Variants in RPH3AL observed in about 807,000 individuals in gnomAD.
The protein encoded by RPH3AL is rab effector Noc2.
A neutral mutation model predicts 43.1 loss-of-function variants in RPH3AL; 38 were observed. That is an observed-to-expected ratio of 0.88 (90% CI 0.68 to 1.15). The LOEUF (loss-of-function observed/expected upper bound fraction) is 1.15. Among genes scored for constraint, RPH3AL ranks in the 50% most tolerant of loss-of-function variants. The pLI is 0.00. For synonymous variants in RPH3AL, 189 were observed against 176.3 expected (o/e 1.07, Z -0.57); for missense variants, 462 against 423.2 (o/e 1.09, Z -0.81).
Position 264,077 on chromosome 17 carries a change from C to G in RPH3AL, c.439-16792G>C, listed in dbSNP as rs558901790. Among the ~76,000 whole-genome samples the G allele has an allele frequency of 6.6e-6, 1 of 152,198 alleles. No individual in the cohort carries two copies. Among genetic ancestry groups the G allele is most frequent in the East Asian group, 1.9e-4 (1 of 5,200 alleles). ...GATTTCAAAGCCACGATTTTGGCCG[C>G]GTGCGACAAGCCGGACTCTCCAAGA... On this transcript the variant is annotated intron_variant, in intron 6 of 9. Transcript: ENST00000331302. The surrounding 1 kb of genome is among the most constrained non-coding windows in gnomAD (Gnocchi z 4.8).
rs968262363 is a variant in RPH3AL, at chr17:264,631, C to A, written c.438+17137G>T. On this transcript the variant is annotated intron_variant, in intron 6 of 9. Coordinates refer to ENST00000331302, the MANE Select transcript of RPH3AL (RefSeq NM_006987.4). The surrounding 1 kb of genome is among the most constrained non-coding windows in gnomAD (Gnocchi z 4.8). ...GGAGGGCATGAAGCATGTCACAAGG[C>A]CTATTGGACACATTTGTGACCACAC... Among the ~76,000 whole-genome samples the A allele has an allele frequency of 2.6e-5, 4 of 152,200 alleles. No homozygotes were observed. Among genetic ancestry groups the A allele is most frequent in the Admixed American group, 2.6e-4 (4 of 15,272 alleles).
chr17:335,214 A>C (rs1414755324), intron 1 of RPH3AL, among the ~76,000 whole-genome samples: 2 of 152,172 alleles, frequency 1.3e-5, no homozygotes, highest in Non-Finnish European at 2.9e-5. Context: ...ATGAGGGTGC[A>C]GGTGTCCGGG....
Position 215,911 on chromosome 17 carries a change from C to G in RPH3AL, c.728-109G>C, listed in dbSNP as rs1319829443. ...TCTCTATGGGATGTCTGCCCCCCAC[C>G]CCACCCACATGGCTGCCAGGCTCTG... On this transcript the variant is annotated intron_variant, in intron 8 of 9. Transcript: ENST00000331302. This position sits in a 1 kb window ranked among gnomAD's most constrained non-coding sequence, Gnocchi z 4.1. 1.8e-6 allele frequency: 2 copies of G among 1,106,830 alleles called. No homozygotes were observed. The highest frequency in any genetic ancestry group is 2.4e-6 in the Non-Finnish European group (2 of 836,842). 68.6% of individuals were successfully genotyped at this position (1,106,830 alleles called of 1,614,324 possible).
intron 3 of RPH3AL, among the ~76,000 whole-genome samples, chr17:324,826 A>G (rs2044579263): frequency 6.6e-6 from 1 of 152,138 alleles, no homozygotes; most frequent in Non-Finnish European, 1.5e-5. Flanking sequence ...CCCAGGTGCA[A>G]GCAATTCTCC....
rs1298938949 is a variant in RPH3AL at position 245,053 on chromosome 17, A to C, written c.613+2058T>G. Among the ~76,000 whole-genome samples the C allele has an allele frequency of 6.8e-6, 1 of 147,714 alleles. No homozygotes were observed. The highest frequency in any genetic ancestry group is 1.5e-5 in the Non-Finnish European group (1 of 67,182). On this transcript the variant is annotated intron_variant, in intron 7 of 9. Transcript: ENST00000331302. This position sits in a 1 kb window ranked among gnomAD's most constrained non-coding sequence, Gnocchi z 5.9. The stretch of plus-strand genomic sequence containing the variant: ...GTGTGGATGTGAGCACTATGTGTGC[A>C]TGTGGATGTGTGTGCATAAATGTGC...
chr17:227,696 TGCCGCCCG>T (rs1314298025), intron 7 of RPH3AL, among the ~76,000 whole-genome samples: 1 of 152,124 alleles, frequency 6.6e-6, no homozygotes, highest in Non-Finnish European at 1.5e-5. Context: ...CACAGAGCAT[TGCCGCCCG>T]GCACAAGGAC....
At chr17:279,332 CGTGCACCATATGCCTG>C (rs1567609648) in intron 6 of RPH3AL, among the ~76,000 whole-genome samples, 1 of 152,140 alleles carries the variant, frequency 6.6e-6, no homozygotes, top group Admixed American at 6.5e-5. Context: ...TCCTGCTAAC[CGTGCACCATATGCCTG>C]GTGCTGCAGA....
chr17:262,274 A>G (rs1194534794), intron 6 of RPH3AL, among the ~76,000 whole-genome samples: 2 of 152,098 alleles, frequency 1.3e-5, no homozygotes, highest in African/African-American at 4.8e-5. Context: ...GCTGGAGTGC[A>G]GCGGCACAAT....
intron 1 of RPH3AL, among the ~76,000 whole-genome samples, chr17:350,252 T>C (rs1483314329): frequency 6.6e-6 from 1 of 152,122 alleles, no homozygotes; most frequent in Non-Finnish European, 1.5e-5. Flanking sequence ...TTTGGGAGGC[T>C]GAGGCAGACG....
At chr17:291,967 A>G (rs1025189884) in intron 5 of RPH3AL, among the ~76,000 whole-genome samples, 1 of 152,258 alleles carries the variant, frequency 6.6e-6, no homozygotes, top group African/African-American at 2.4e-5. Flanking sequence ...GATAAGCAGA[A>G]TTCCTATTTA....
At chr17:347,470 G>T (rs1161076209) in intron 1 of RPH3AL, among the ~76,000 whole-genome samples, 1 of 152,100 alleles carries the variant, frequency 6.6e-6, no homozygotes, top group Non-Finnish European at 1.5e-5. Flanking sequence ...CACAGTCCCA[G>T]CTCCTCGAGA....
intron 7 of RPH3AL, among the ~76,000 whole-genome samples, chr17:232,035 T>A (rs1470019284): frequency 6.6e-6 from 1 of 152,184 alleles, no homozygotes; most frequent in Non-Finnish European, 1.5e-5. Flanking sequence ...ATGCCCCTCA[T>A]CACTGAGCTT....
intron 5 of RPH3AL, among the ~76,000 whole-genome samples, chr17:314,434 C>A (rs766302260): frequency 8.2e-5 from 9 of 110,050 alleles, no homozygotes; most frequent in South Asian, 2.8e-4. Flanking sequence ...TGTAGTCCCT[C>A]TGCCCCCACC....
intron 5 of RPH3AL, among the ~76,000 whole-genome samples, chr17:282,436 G>A (rs898715080): frequency 6.6e-6 from 1 of 152,146 alleles, no homozygotes; most frequent in African/African-American, 2.4e-5. Context: ...TCACATGGCA[G>A]CCACGGATTC....
chr17:260,534 G>A (rs1007011631), intron 6 of RPH3AL, among the ~76,000 whole-genome samples: 34 of 152,212 alleles, frequency 2.2e-4, no homozygotes, highest in African/African-American at 7.7e-4. Flanking sequence ...GGGAGACTGC[G>A]TTCTGTCTGC....
intron 5 of RPH3AL, among the ~76,000 whole-genome samples, chr17:315,643 T>C (rs1555520222): frequency 4.6e-5 from 7 of 151,134 alleles, no homozygotes; most frequent in Non-Finnish European, 5.9e-5. Context: ...CACTGACCTG[T>C]AGTCCCTGTG....
intron 7 of RPH3AL, among the ~76,000 whole-genome samples, chr17:244,062 C>T (rs1012689343): frequency 2.0e-5 from 3 of 150,762 alleles, no homozygotes; most frequent in Non-Finnish European, 2.9e-5. Flanking sequence ...ATTACCCTTC[C>T]TCTATTGATC....
At chr17:242,585 TTGAC>T (rs2041580505) in intron 7 of RPH3AL, among the ~76,000 whole-genome samples, 1 of 137,644 alleles carries the variant, frequency 7.3e-6, no homozygotes, top group Non-Finnish European at 1.6e-5. Flanking sequence ...CCTTCCTCTA[TTGAC>T]TACCTTCCTC....
chr17:312,256 A>G (rs1365599161), intron 5 of RPH3AL, among the ~76,000 whole-genome samples: 2 of 152,116 alleles, frequency 1.3e-5, no homozygotes, highest in African/African-American at 2.4e-5. Flanking sequence ...AACAATGATC[A>G]TGCCACTGCA....
Sources: allele counts gnomAD v4.1 joint callset (sites outside exome capture counted in the v4.1 genomes callset), GRCh38; gene constraint gnomAD v4.1.1; non-coding constraint Gnocchi (gnomAD v3.1); transcripts MANE v1.5; gene names NCBI Gene and HGNC (gene_info 2026-07-23, HGNC 2026-07-21).